The following TRMT11 variants were observed in gnomAD, a reference collection of about 807,000 sequenced individuals.
TRMT11 encodes the protein tRNA methyltransferase 11.
Under a neutral mutation model 62.8 loss-of-function variants are expected in TRMT11, and 53 were observed. That is an observed-to-expected ratio of 0.84 (90% CI 0.68 to 1.06). The LOEUF (loss-of-function observed/expected upper bound fraction) is 1.06. Among genes scored for constraint, TRMT11 ranks in the 50% least tolerant of loss-of-function variants. TRMT11 has a pLI of 0.00. For synonymous variants in TRMT11, 188 were observed against 190.3 expected (o/e 0.99, Z 0.10); for missense variants, 556 against 553.4 (o/e 1.00, Z -0.05).
chr6:126,139,545 T>C (rs891887141), intron 21 of TRMT11, among the ~76,000 whole-genome samples: 1 of 151,952 alleles, frequency 6.6e-6, no homozygotes, highest in Non-Finnish European at 1.5e-5. Context: ...ATTTTTGTAT[T>C]TTTAGTAGAG....
intron 1 of TRMT11, among the ~76,000 whole-genome samples, chr6:126,177,579 C>A (rs1329854710): frequency 6.6e-6 from 1 of 152,040 alleles, no homozygotes; most frequent in Non-Finnish European, 1.5e-5. Flanking sequence ...AGAATCCAGC[C>A]CTATCAACTC....
chr6:126,176,656 A>T (rs1011367753), upstream of TRMT11, among the ~76,000 whole-genome samples: 2 of 152,196 alleles, frequency 1.3e-5, no homozygotes, highest in African/African-American at 4.8e-5. Context: ...AGATTTACAG[A>T]ACACTTGTGA....
intron 1 of TRMT11, among the ~76,000 whole-genome samples, chr6:126,184,088 G>A (rs1312630370): frequency 6.6e-6 from 1 of 152,102 alleles, no homozygotes. Context: ...CTTGAGGTAG[G>A]CATAGCACAA....
chr6:125,991,416 T>A (rs909819595), intron 1 of TRMT11, among the ~76,000 whole-genome samples: 22 of 152,026 alleles, frequency 1.4e-4, no homozygotes, highest in African/African-American at 5.1e-4. Context: ...GTCTGGCTAA[T>A]TTTTTTATTT....
intron 1 of TRMT11, among the ~76,000 whole-genome samples, chr6:125,988,055 G>A (rs1789959777): frequency 2.0e-5 from 3 of 152,172 alleles, no homozygotes; most frequent in South Asian, 4.1e-4. Context: ...AGGGAAAGTC[G>A]GAGGAGGCCA....
At chr6:126,021,010 A>T in intron 11 of TRMT11, 150 bp from the exon 12 acceptor site, 1 of 811,810 alleles carries the variant, frequency 1.2e-6, no homozygotes, top group Non-Finnish European at 1.9e-6. Flanking sequence ...CTTTGCTTAT[A>T]GATAGTTTAT....
In TRMT11 at chr6:126,114,586, C is replaced by T. The variant is rs1214345334; in HGVS notation, c.*1527-119C>T. Among the ~76,000 whole-genome samples, 9 of 152,182 alleles carry T rather than the reference C, an allele frequency of 5.9e-5. No homozygotes were observed. In the South Asian group the frequency reaches 8.3e-4, roughly 14 times the overall value. ...GTGCCTTTCCCGCAGGGGGAGTTTCCGCAGTGTACTGTGACTTTTTATATC... is the reference window on the plus strand; with the variant it reads ...GTGCCTTTCCCGCAGGGGGAGTTTCTGCAGTGTACTGTGACTTTTTATATC... On this transcript the variant is annotated intron_variant and NMD_transcript_variant, in intron 18 of 22. Coordinates refer to the TRMT11 transcript ENST00000648977.
At chr6:126,018,221 A>G (rs183447541) in intron 11 of TRMT11, among the ~76,000 whole-genome samples, 16 of 152,348 alleles carry the variant, frequency 1.1e-4, no homozygotes, top group African/African-American at 3.6e-4. Flanking sequence ...TGATTGTAGT[A>G]AGGTGAACTT....
chr6:126,005,402 G>C (rs1377924702), intron 7 of TRMT11, among the ~76,000 whole-genome samples: 1 of 151,938 alleles, frequency 6.6e-6, no homozygotes, highest in Non-Finnish European at 1.5e-5. Context: ...AACTTGTCTG[G>C]GTTTCACGTC....
intron 16 of TRMT11, among the ~76,000 whole-genome samples, chr6:126,045,569 A>G (rs1345974314): frequency 6.6e-6 from 1 of 152,228 alleles, no homozygotes; most frequent in Non-Finnish European, 1.5e-5. Flanking sequence ...ATCAGAAAGT[A>G]GGTCCAGTGA....
intron 18 of TRMT11, among the ~76,000 whole-genome samples, chr6:126,113,060 T>G (rs1777550111): frequency 6.6e-6 from 1 of 152,096 alleles, no homozygotes; most frequent in South Asian, 2.1e-4. Context: ...ACTCCCTCCC[T>G]GGCCTTCAGG....
chr6:126,059,701 T>A (rs922148431), intron 17 of TRMT11, among the ~76,000 whole-genome samples: 1 of 152,208 alleles, frequency 6.6e-6, no homozygotes, highest in Non-Finnish European at 1.5e-5. Context: ...GTGAGTAATA[T>A]GGAGGTGGGA....
chr6:126,238,221 G>T, the TRMT11 span, among the ~76,000 whole-genome samples: 16 of 151,978 alleles, frequency 1.1e-4, no homozygotes, highest in Non-Finnish European at 1.8e-4. Flanking sequence ...TCAGTTCTGC[G>T]CTAATCTTAG....
At chr6:126,170,099 C>G (rs905069651) in intron 21 of TRMT11, among the ~76,000 whole-genome samples, 1 of 151,972 alleles carries the variant, frequency 6.6e-6, no homozygotes, top group East Asian at 1.9e-4. Context: ...TTTTCCAGCT[C>G]TCTACTTTTA....
chr6:126,206,483 A>G (rs1180668746), downstream of TRMT11, among the ~76,000 whole-genome samples: 2 of 152,222 alleles, frequency 1.3e-5, no homozygotes, highest in Non-Finnish European at 2.9e-5. Flanking sequence ...AGTTCACAGC[A>G]CAAGCACTGT....
Position 126,132,204 on chromosome 6 carries a change from A to G in TRMT11, c.*1823+16349A>G, listed in dbSNP as rs116777765. The stretch of plus-strand genomic sequence containing the variant: ...AACCTCATTGCCTGTAGAGTTTAAA[A>G]GACAGCATTATCATCTGTATGTGTA... On this transcript the variant is annotated intron_variant and NMD_transcript_variant, in intron 21 of 22. Coordinates refer to the TRMT11 transcript ENST00000648977. Among the ~76,000 whole-genome samples the G allele has an allele frequency of 5.0e-3, 763 of 152,214 alleles. 5 individuals carry two copies. The highest frequency in any genetic ancestry group is 0.018 in the African/African-American group (746 of 41,566).
At chr6:126,138,842 AT>A (rs1331706586) in intron 21 of TRMT11, among the ~76,000 whole-genome samples, 1 of 151,958 alleles carries the variant, frequency 6.6e-6, no homozygotes, top group Non-Finnish European at 1.5e-5. Flanking sequence ...TGGACTGTTT[AT>A]TTTTTTATAC....
At position 126,082,527 on chromosome 6, in the gene TRMT11, C is replaced by CT. The variant is rs141973381; in HGVS notation, c.*1437+29342dup. 4.2e-3 allele frequency among the ~76,000 whole-genome samples: 640 copies of CT among 152,052 alleles called. 6 individuals carry two copies. The highest frequency in any genetic ancestry group is 0.015 in the African/African-American group (608 of 41,498). On this transcript the variant is annotated intron_variant and NMD_transcript_variant, in intron 17 of 22. Transcript: ENST00000648977. ...TTATCATGTTTACTTTTTATAGTTTCTTTTTCACATTGAAAATTAGTCTTA... is the reference window on the plus strand; with the variant it reads ...TTATCATGTTTACTTTTTATAGTTTCTTTTTTCACATTGAAAATTAGTCTTA...
intron 12 of TRMT11, 55 bp from the exon 13 acceptor site, chr6:126,038,650 G>T (rs569359178): frequency 4.7e-6 from 7 of 1,484,520 alleles, no homozygotes; most frequent in Non-Finnish European, 6.3e-6. Flanking sequence ...CAACTGCTTT[G>T]GTATAAGCTA....
Sources: allele counts gnomAD v4.1 joint callset (sites outside exome capture counted in the v4.1 genomes callset), GRCh38; gene constraint gnomAD v4.1.1; transcripts MANE v1.5; gene names NCBI Gene and HGNC (gene_info 2026-07-23, HGNC 2026-07-21).